PEAK1: variants seen among roughly 807,000 people sequenced by gnomAD.
The protein encoded by PEAK1 is pseudopodium enriched atypical kinase 1.
In PEAK1, 54 loss-of-function variants were observed where a neutral mutation model predicts 124.7. That is an observed-to-expected ratio of 0.43 (90% CI 0.35 to 0.54). The LOEUF (loss-of-function observed/expected upper bound fraction) is 0.54, where lower values mean the gene tolerates loss of function less well. Among genes scored for constraint, PEAK1 ranks in the 20% least tolerant of loss-of-function variants. The pLI is 0.01. For synonymous variants in PEAK1, 719 were observed against 760.0 expected, an observed-to-expected ratio of 0.95 and a Z score of 0.89; for missense variants, 2,046 against 2,134.5, an observed-to-expected ratio of 0.96 and a Z score of 0.82.
intron 6 of PEAK1, among the ~76,000 whole-genome samples, chr15:77,193,914 GTGGAA>G (rs2057979673): frequency 6.6e-6 from 1 of 152,122 alleles, no homozygotes; most frequent in Non-Finnish European, 1.5e-5. Context: ...ATATTTAAGG[GTGGAA>G]CAACTTTCCA....
intron 5 of PEAK1, among the ~76,000 whole-genome samples, chr15:77,277,115 T>C (rs1282637917): frequency 2.0e-5 from 3 of 152,106 alleles, no homozygotes. Flanking sequence ...CTGTGACACA[T>C]CCATACCATG....
At chr15:77,171,831 A>T (rs1240884311) in intron 7 of PEAK1, among the ~76,000 whole-genome samples, 2 of 152,214 alleles carry the variant, frequency 1.3e-5, no homozygotes, top group Non-Finnish European at 1.5e-5. Flanking sequence ...ATTAAATAAA[A>T]ATTTAAAAAT....
chr15:77,389,010 T>A (rs1311922004), intron 1 of PEAK1, among the ~76,000 whole-genome samples: 1 of 150,754 alleles, frequency 6.6e-6, no homozygotes, highest in Non-Finnish European at 1.5e-5. Flanking sequence ...TCGCCCAGGC[T>A]GGAGTGCAAT....
chr15:77,371,403 A>G, intron 1 of PEAK1: 1 of 960,434 alleles, frequency 1.0e-6, no homozygotes, highest in South Asian at 4.8e-5. Context: ...AAGTGAAGCC[A>G]TCAAAAAACT....
At position 77,161,261 on chromosome 15, in the gene PEAK1, G is replaced by T. The variant is rs192815157; in HGVS notation, c.3138-2565C>A. Among the ~76,000 whole-genome samples the T allele has an allele frequency of 2.5e-3, 386 of 152,254 alleles. 3 individuals are homozygous for T. Among genetic ancestry groups the T allele is most frequent in the Non-Finnish European group, 4.2e-3 (284 of 68,020 alleles). ...CAAGTTAGGCAAACCATGAGAAAAG[G>T]CTTGATTCTGTTCCTTAATATCACT... On this transcript the variant is annotated intron_variant, in intron 7 of 9. Coordinates refer to ENST00000682557, the MANE Select transcript of PEAK1 (RefSeq NM_001385026.1).
At chr15:77,398,299 T>C (rs2071071771) in intron 1 of PEAK1, among the ~76,000 whole-genome samples, 1 of 151,738 alleles carries the variant, frequency 6.6e-6, no homozygotes, top group Admixed American at 6.6e-5. Flanking sequence ...AAAGACACAT[T>C]TAAAAAAAAG....
intron 1 of PEAK1, among the ~76,000 whole-genome samples, chr15:77,416,549 AT>A (rs1041897647): frequency 1.1e-4 from 16 of 152,138 alleles, no homozygotes; most frequent in Middle Eastern, 6.8e-3. Context: ...CCACAGCATA[AT>A]TTTTTTTCCC....
At chr15:77,166,735 G>A (rs1258389775) in intron 7 of PEAK1, among the ~76,000 whole-genome samples, 1 of 152,208 alleles carries the variant, frequency 6.6e-6, no homozygotes, top group Non-Finnish European at 1.5e-5. Context: ...TTAGCTCTAA[G>A]TGTTTGTCCT....
At chr15:77,317,868 C>T (rs1224909991) in intron 2 of PEAK1, among the ~76,000 whole-genome samples, 3 of 152,042 alleles carry the variant, frequency 2.0e-5, no homozygotes, top group Admixed American at 6.6e-5. Context: ...TATTGATATA[C>T]GTAACAATTT....
intron 2 of PEAK1, among the ~76,000 whole-genome samples, chr15:77,330,487 C>A (rs1174860503): frequency 1.3e-5 from 2 of 151,976 alleles, no homozygotes; most frequent in African/African-American, 4.8e-5. Flanking sequence ...AAAGTGCTTA[C>A]AAAAGGTCCT....
At chr15:77,186,827 C>G (rs1171571562) in intron 6 of PEAK1, among the ~76,000 whole-genome samples, 1 of 152,228 alleles carries the variant, frequency 6.6e-6, no homozygotes, top group African/African-American at 2.4e-5. Context: ...GAGGGGGAAT[C>G]TGTACCAGAT....
chr15:77,370,006 C>T (rs1488242824), intron 1 of PEAK1, among the ~76,000 whole-genome samples: 2 of 152,168 alleles, frequency 1.3e-5, no homozygotes, highest in Non-Finnish European at 2.9e-5. Context: ...AACTAATCAA[C>T]TAAAAGTGAA....
intron 5 of PEAK1, among the ~76,000 whole-genome samples, chr15:77,268,630 G>T (rs2061864474): frequency 6.6e-6 from 1 of 152,026 alleles, no homozygotes; most frequent in African/African-American, 2.4e-5. Flanking sequence ...GCCTTGCTAG[G>T]GATCTAGACA....
intron 5 of PEAK1, among the ~76,000 whole-genome samples, chr15:77,281,151 A>C (rs544141541): frequency 1.3e-5 from 2 of 152,262 alleles, no homozygotes; most frequent in African/African-American, 4.8e-5. Flanking sequence ...TGGGCAACAG[A>C]GCAAGACTCT....
chr15:77,283,948 C>G lies in PEAK1; in HGVS notation c.-340G>C. On this transcript the variant is annotated 5_prime_UTR_variant, in exon 5 of 10. Transcript: ENST00000682557. The stretch of plus-strand genomic sequence containing the variant: ...CTTTCATATTAGAAAATGTTTGTTT[C>G]TCCTTCTTGGATTTTTTCATAAATC... 1 of 982,806 alleles carries G rather than the reference C, an allele frequency of 1.0e-6. No individual in the cohort carries two copies. Among genetic ancestry groups the G allele is most frequent in the Non-Finnish European group, 1.2e-6 (1 of 827,572 alleles). The allele number at this position is 982,806 out of a possible 1,614,324, so 60.9% of individuals were successfully genotyped here.
At chr15:77,308,919 A>T (rs538978291) in intron 2 of PEAK1, among the ~76,000 whole-genome samples, 30 of 152,204 alleles carry the variant, frequency 2.0e-4, no homozygotes, top group Non-Finnish European at 4.1e-4. Flanking sequence ...AAGTTACTGT[A>T]TACAATACAA....
chr15:77,240,276 C>T (rs1013031583), intron 6 of PEAK1, among the ~76,000 whole-genome samples: 2 of 152,140 alleles, frequency 1.3e-5, no homozygotes, highest in African/African-American at 2.4e-5. Flanking sequence ...AACTATAATA[C>T]TTCACTATTT....
chr15:77,138,753 T>G (rs1596319745), intron 8 of PEAK1, among the ~76,000 whole-genome samples: 1 of 151,624 alleles, frequency 6.6e-6, no homozygotes, highest in Admixed American at 6.6e-5. Flanking sequence ...TCCCAGCTAC[T>G]CAGGAGGCTG....
At chr15:77,284,462 G>A (rs1425731238) in intron 4 of PEAK1, among the ~76,000 whole-genome samples, 1 of 152,198 alleles carries the variant, frequency 6.6e-6, no homozygotes, top group Non-Finnish European at 1.5e-5. Flanking sequence ...ACATGAGTCA[G>A]TAGGAAAGCT....
Sources: allele counts gnomAD v4.1 joint callset (sites outside exome capture counted in the v4.1 genomes callset), GRCh38; gene constraint gnomAD v4.1.1; transcripts MANE v1.5; gene names NCBI Gene and HGNC (gene_info 2026-07-23, HGNC 2026-07-21).